The following SLC5A4 variants were observed in gnomAD, a reference collection of about 807,000 sequenced individuals.
SLC5A4 encodes the protein solute carrier family 5 member 4.
Under a neutral mutation model 70.3 loss-of-function variants are expected in SLC5A4, and 55 were observed. The observed-to-expected ratio is 0.78, with a 90% confidence interval of 0.63 to 0.98. The LOEUF is 0.98. SLC5A4 is among the 50% of genes least tolerant of loss of function. The probability of loss-of-function intolerance (pLI) is 0.00; values close to 1 mark genes in which losing one functional copy is unlikely to be tolerated. For synonymous variants in SLC5A4, 268 were observed against 305.7 expected (o/e 0.88, Z 1.29); for missense variants, 735 against 839.2 (o/e 0.88, Z 1.53).
At chr22:32,302,410 A>G in the SLC5A4 span, among the ~76,000 whole-genome samples, 1 of 152,184 alleles carries the variant, frequency 6.6e-6, no homozygotes, top group East Asian at 1.9e-4. Flanking sequence ...TTTTTATTTT[A>G]AAGAATATTT....
the SLC5A4 span, chr22:32,270,166 A>G: frequency 2.8e-5 from 18 of 644,776 alleles, no homozygotes; most frequent in Admixed American, 3.6e-4. Flanking sequence ...AGCGACGCCC[A>G]GTCGGGCACA....
At chr22:32,352,109 C>T in the SLC5A4 span, among the ~76,000 whole-genome samples, 1 of 152,070 alleles carries the variant, frequency 6.6e-6, no homozygotes, top group Admixed American at 6.5e-5. Context: ...GAGTTCATGG[C>T]CTTTGTAAGG....
At chr22:32,284,468 C>G in the SLC5A4 span, among the ~76,000 whole-genome samples, 86 of 152,268 alleles carry the variant, frequency 5.6e-4, 1 homozygote, top group Admixed American at 5.2e-4. Flanking sequence ...CATTACCTCC[C>G]TCACATGGCT....
chr22:32,341,293 T>TA, the SLC5A4 span, among the ~76,000 whole-genome samples: 1 of 151,958 alleles, frequency 6.6e-6, no homozygotes, highest in Non-Finnish European at 1.5e-5. Context: ...CCCTGGTCTC[T>TA]AAGATCAGGG....
In SLC5A4 at chr22:32,247,666, C is replaced by T. The variant is rs1926909536; in HGVS notation, c.373-151G>A. 5 of 642,726 alleles carry T rather than the reference C, an allele frequency of 7.8e-6. No individual in the cohort carries two copies. In the East Asian group the frequency reaches 1.4e-4, roughly 17 times the overall value. 39.8% of individuals were successfully genotyped at this position (642,726 alleles called of 1,614,324 possible). A position where few individuals can be genotyped will look rare whatever the true frequency, so the allele number is the denominator to read the frequency against. On this transcript the variant is annotated intron_variant, in intron 4 of 14. Transcript: ENST00000266086. ...CATGGCTTCTTACTCATAGAGGCAT[C>T]CCTGATGCCATGCACAGTGACTGGC...
chr22:32,333,916 CCCA>C, the SLC5A4 span, among the ~76,000 whole-genome samples: 5 of 142,964 alleles, frequency 3.5e-5, no homozygotes, highest in African/African-American at 7.6e-5. Flanking sequence ...ATGCTGCATA[CCCA>C]CAACATACAC....
the SLC5A4 span, chr22:32,272,699 C>A: frequency 1.9e-6 from 1 of 531,006 alleles, no homozygotes; most frequent in Admixed American, 2.7e-5. Context: ...GCTGGGCAGA[C>A]TTCCATGTGG....
At chr22:32,278,701 G>A in the SLC5A4 span, among the ~76,000 whole-genome samples, 1 of 151,908 alleles carries the variant, frequency 6.6e-6, no homozygotes, top group Admixed American at 6.6e-5. Context: ...TTCAAGGAAC[G>A]CAACAAAAAA....
chr22:32,331,007 G>GTTT, the SLC5A4 span, among the ~76,000 whole-genome samples: 1 of 43,374 alleles, frequency 2.3e-5, no homozygotes, highest in Admixed American at 2.5e-4. Context: ...TGTGTGTGTT[G>GTTT]GGGGCTCTGG....
chr22:32,306,586 CT>C, the SLC5A4 span, among the ~76,000 whole-genome samples: 1 of 152,198 alleles, frequency 6.6e-6, no homozygotes, highest in Non-Finnish European at 1.5e-5. Context: ...TGGTTATCAG[CT>C]CTCAGAGAGA....
At chr22:32,270,672 G>A in the SLC5A4 span, 7 of 706,378 alleles carry the variant, frequency 9.9e-6, no homozygotes, top group East Asian at 1.3e-4. Flanking sequence ...AAGTGTCGCT[G>A]CTGGGCATCC....
the SLC5A4 span, among the ~76,000 whole-genome samples, chr22:32,275,214 AT>A: frequency 3.9e-5 from 6 of 152,078 alleles, no homozygotes; most frequent in Non-Finnish European, 8.8e-5. Context: ...GGGGACCACA[AT>A]TTTTTTTAAC....
At chr22:32,319,862 G>C in the SLC5A4 span, among the ~76,000 whole-genome samples, 1 of 151,980 alleles carries the variant, frequency 6.6e-6, no homozygotes, top group Non-Finnish European at 1.5e-5. Flanking sequence ...TGCTGCTTTT[G>C]GCCCATGACT....
chr22:32,251,898 G>T, intron 2 of SLC5A4, 24 bp from the exon 3 acceptor site: 1 of 1,545,274 alleles, frequency 6.5e-7, no homozygotes, highest in Non-Finnish European at 8.9e-7. Context: ...GAACAGACTA[G>T]GGTTGGAGTT....
the SLC5A4 span, among the ~76,000 whole-genome samples, chr22:32,305,713 G>A: frequency 7.7e-6 from 1 of 129,862 alleles, no homozygotes; most frequent in Non-Finnish European, 1.6e-5. Context: ...CTTTTCAGGA[G>A]CACGGTGCTC....
intron 5 of SLC5A4, among the ~76,000 whole-genome samples, chr22:32,239,518 T>TTTTATATATATATATATATATATA (rs1455543266): frequency 4.0e-5 from 1 of 25,230 alleles, no homozygotes; most frequent in Non-Finnish European, 6.9e-5. Flanking sequence ...GGAGTGCATA[T>TTTTATATATATATATATATATATA]TATATATATA....
chr22:32,306,162 G>A, the SLC5A4 span, among the ~76,000 whole-genome samples: 2 of 152,172 alleles, frequency 1.3e-5, no homozygotes, highest in Non-Finnish European at 2.9e-5. Flanking sequence ...TAGGGACATT[G>A]TTATAAAAAT....
intron 5 of SLC5A4, among the ~76,000 whole-genome samples, chr22:32,239,807 G>A (rs1291270818): frequency 1.3e-5 from 2 of 148,444 alleles, no homozygotes; most frequent in Non-Finnish European, 3.0e-5. Flanking sequence ...GGTGGATCAC[G>A]AGGTCAGGAG....
chr22:32,347,851 A>C, the SLC5A4 span, among the ~76,000 whole-genome samples: 9 of 152,094 alleles, frequency 5.9e-5, no homozygotes, highest in Non-Finnish European at 1.3e-4. Flanking sequence ...AACTTAAAGT[A>C]TAATAATAAT....
Sources: allele counts gnomAD v4.1 joint callset (sites outside exome capture counted in the v4.1 genomes callset), GRCh38; gene constraint gnomAD v4.1.1; transcripts MANE v1.5; gene names NCBI Gene and HGNC (gene_info 2026-07-23, HGNC 2026-07-21).